Variants in C8orf34 observed in about 807,000 individuals in gnomAD.
The protein encoded by C8orf34 is uncharacterized protein C8orf34.
Under a neutral mutation model 68.3 loss-of-function variants are expected in C8orf34, and 65 were observed. The observed-to-expected ratio is 0.95, with a 90% CI of 0.78 to 1.17. The LOEUF is 1.17. Ranked by LOEUF, C8orf34 falls within the 50% of genes most tolerant of loss-of-function variation. The pLI, the probability that C8orf34 is intolerant of heterozygous loss-of-function variation, is 0.00. For missense variants in C8orf34, 664 were observed against 655.4 expected (o/e 1.01, Z -0.14); for synonymous variants, 244 against 241.2 (o/e 1.01, Z -0.11).
At chr8:68,693,598 C>T (rs1820743921) in intron 8 of C8orf34, among the ~76,000 whole-genome samples, 1 of 152,024 alleles carries the variant, frequency 6.6e-6, no homozygotes, top group Non-Finnish European at 1.5e-5. Flanking sequence ...TTTAATTATG[C>T]TGGAGACTAA....
At chr8:68,613,536 A>G (rs111552102) in intron 7 of C8orf34, among the ~76,000 whole-genome samples, 43,302 of 149,948 alleles carry the variant, frequency 0.29, 7,852 homozygotes, top group African/African-American at 0.53. Flanking sequence ...GAGAACATGC[A>G]GTGTTTGACT....
chr8:68,712,137 G>A (rs952937391), intron 9 of C8orf34, among the ~76,000 whole-genome samples: 2 of 152,134 alleles, frequency 1.3e-5, no homozygotes, highest in African/African-American at 4.8e-5. Flanking sequence ...AATAAATGCT[G>A]AAAGAATGTG....
chr8:68,420,389 A>T (rs1375132870), intron 1 of C8orf34, among the ~76,000 whole-genome samples: 4 of 152,196 alleles, frequency 2.6e-5, no homozygotes, highest in Non-Finnish European at 5.9e-5. Context: ...AAATTTTTTG[A>T]AATTGATTCA....
chr8:68,406,226 T>C (rs907308479), intron 1 of C8orf34, among the ~76,000 whole-genome samples: 2 of 152,160 alleles, frequency 1.3e-5, no homozygotes, highest in African/African-American at 4.8e-5. Flanking sequence ...TTGGTTTCAG[T>C]AAACATACAC....
At chr8:68,502,328 G>C (rs1014883996) in intron 5 of C8orf34, among the ~76,000 whole-genome samples, 6 of 152,086 alleles carry the variant, frequency 3.9e-5, no homozygotes, top group Admixed American at 2.0e-4. Flanking sequence ...CTGGAGCAAG[G>C]AATATACAAA....
intron 8 of C8orf34, among the ~76,000 whole-genome samples, chr8:68,642,730 A>G (rs1454223350): frequency 6.6e-6 from 1 of 152,210 alleles, no homozygotes; most frequent in Non-Finnish European, 1.5e-5. Flanking sequence ...GAGGGCCTCC[A>G]TCTGTATCCT....
chr8:68,548,579 T>C (rs921839187), intron 7 of C8orf34, among the ~76,000 whole-genome samples: 12 of 151,806 alleles, frequency 7.9e-5, no homozygotes, highest in Non-Finnish European at 1.5e-4. Flanking sequence ...ACATTGCTAA[T>C]GGGAATGCAA....
intron 8 of C8orf34, among the ~76,000 whole-genome samples, chr8:68,661,459 G>A (rs1819676979): frequency 6.6e-6 from 1 of 152,130 alleles, no homozygotes; most frequent in South Asian, 2.1e-4. Flanking sequence ...GGAAGAATTA[G>A]GCATGCAGAC....
At chr8:68,460,554 G>C (rs1276265013) in intron 3 of C8orf34, among the ~76,000 whole-genome samples, 1 of 152,180 alleles carries the variant, frequency 6.6e-6, no homozygotes, top group East Asian at 1.9e-4. Flanking sequence ...AGTAGCGGCA[G>C]ACTGACACCT....
chr8:68,389,335 T>G (rs1808386495), intron 1 of C8orf34, among the ~76,000 whole-genome samples: 1 of 152,144 alleles, frequency 6.6e-6, no homozygotes, highest in East Asian at 1.9e-4. Flanking sequence ...AGAATAATAC[T>G]TGCATAGTTG....
At chr8:68,756,178 C>G (rs1822855450) in intron 10 of C8orf34, among the ~76,000 whole-genome samples, 1 of 152,044 alleles carries the variant, frequency 6.6e-6, no homozygotes, top group Non-Finnish European at 1.5e-5. Flanking sequence ...GTCTGATGGC[C>G]CCTGTGCTGA....
Position 68,709,086 on chromosome 8 carries a change from T to G in C8orf34, c.1327+7T>G. ...AAAATCCCAGATTCATTCGGTAAGTTTTAAGTCCAACAATATTTATTGCAG... is the reference window on the plus strand; with the variant it reads ...AAAATCCCAGATTCATTCGGTAAGTGTTAAGTCCAACAATATTTATTGCAG... On this transcript the variant is annotated splice_region_variant and intron_variant, in intron 9 of 13. Coordinates refer to ENST00000518698, the MANE Select transcript of C8orf34 (RefSeq NM_052958.4). 1 of 1,602,634 alleles carries G rather than the reference T, an allele frequency of 6.2e-7. No individual in the cohort carries two copies. Among genetic ancestry groups the G allele is most frequent in the Non-Finnish European group, 8.5e-7 (1 of 1,170,622 alleles).
At chr8:68,413,641 A>C (rs921064800) in intron 1 of C8orf34, among the ~76,000 whole-genome samples, 2 of 152,126 alleles carry the variant, frequency 1.3e-5, no homozygotes, top group African/African-American at 4.8e-5. Flanking sequence ...CAAGCCTGAC[A>C]CCTAGGTGGT....
intron 8 of C8orf34, among the ~76,000 whole-genome samples, chr8:68,694,853 A>T (rs1820781710): frequency 6.6e-6 from 1 of 152,048 alleles, no homozygotes; most frequent in African/African-American, 2.4e-5. Flanking sequence ...CTAAATGGTG[A>T]GCATAAGCCC....
At chr8:68,798,903 G>A (rs1484182516) in intron 12 of C8orf34, among the ~76,000 whole-genome samples, 2 of 152,144 alleles carry the variant, frequency 1.3e-5, no homozygotes, top group African/African-American at 4.8e-5. Flanking sequence ...ATTATTAAGT[G>A]TAATGGAAAA....
intron 7 of C8orf34, among the ~76,000 whole-genome samples, chr8:68,600,446 G>A (rs1019645774): frequency 1.2e-4 from 18 of 151,906 alleles, no homozygotes; most frequent in Admixed American, 1.1e-3. Flanking sequence ...AAGTTCTAAT[G>A]TTCCCTTTGT....
intron 1 of C8orf34, among the ~76,000 whole-genome samples, chr8:68,428,522 C>T (rs1361505416): frequency 6.6e-6 from 1 of 151,962 alleles, no homozygotes; most frequent in East Asian, 1.9e-4. Context: ...AGTCTATAAT[C>T]TCTGGATAAC....
At chr8:68,490,468 C>A (rs781624658) in intron 5 of C8orf34, among the ~76,000 whole-genome samples, 12 of 152,092 alleles carry the variant, frequency 7.9e-5, no homozygotes, top group Non-Finnish European at 1.5e-4. Flanking sequence ...TAAGTGTCAG[C>A]CTCAGGACAT....
At position 68,588,801 on chromosome 8, in the gene C8orf34, C is replaced by G. The variant is rs115210152; in HGVS notation, c.1106-51575C>G. Among the ~76,000 whole-genome samples the G allele has an allele frequency of 4.2e-3, 633 of 152,220 alleles. 8 individuals carry two copies. The highest frequency in any genetic ancestry group is 0.014 in the African/African-American group (593 of 41,536). ...CCTCACAAAGAACAATTCAGCAAGA[C>G]TAAAAGTTAGTCCTCTCTAACAATG... is the stretch of plus-strand genomic sequence containing the variant. On this transcript the variant is annotated intron_variant, in intron 7 of 13. Transcript: ENST00000518698.
Sources: gnomAD v4.1 joint callset for allele counts (sites outside exome capture counted in the v4.1 genomes callset) on GRCh38, gnomAD v4.1.1 for gene constraint, MANE v1.5 for transcripts, NCBI Gene and HGNC (gene_info 2026-07-23, HGNC 2026-07-21) for gene names.